RPS6KB1: variants seen among roughly 807,000 people sequenced by gnomAD.
The protein encoded by RPS6KB1 is ribosomal protein S6 kinase beta-1.
A neutral mutation model predicts 70.2 loss-of-function variants in RPS6KB1; 12 were observed. That is an observed-to-expected ratio of 0.17 (90% CI 0.11 to 0.28). The LOEUF (loss-of-function observed/expected upper bound fraction) is 0.28. RPS6KB1 is among the 10% of genes least tolerant of loss of function. The pLI is 1.00. For missense variants in RPS6KB1, 270 were observed against 646.6 expected, an observed-to-expected ratio of 0.42 and a Z score of 6.32; for synonymous variants, 175 against 211.2, an observed-to-expected ratio of 0.83 and a Z score of 1.49.
intron 2 of RPS6KB1, 38 bp from the exon 3 acceptor site, chr17:59,912,646 T>G: frequency 6.2e-7 from 1 of 1,601,660 alleles, no homozygotes; most frequent in Non-Finnish European, 8.5e-7. Context: ...TAATTTAACT[T>G]TTTGCAAATT....
chr17:59,927,358 A>G (rs1159664280), intron 5 of RPS6KB1, among the ~76,000 whole-genome samples: 1 of 152,042 alleles, frequency 6.6e-6, no homozygotes, highest in Non-Finnish European at 1.5e-5. Flanking sequence ...TGCTGGGATT[A>G]CAGGTGTCAG....
chr17:59,908,895 A>G (rs8072413), intron 1 of RPS6KB1, among the ~76,000 whole-genome samples: 67,062 of 124,138 alleles, frequency 0.54, 20,347 homozygotes, highest in African/African-American at 0.86. Flanking sequence ...TGGGATTACA[A>G]GCGTGAGCCA....
At chr17:59,924,320 C>T (rs955181331) in intron 4 of RPS6KB1, among the ~76,000 whole-genome samples, 1 of 124,890 alleles carries the variant, frequency 8.0e-6, no homozygotes, top group African/African-American at 3.8e-5. Flanking sequence ...CAGAGTGAGA[C>T]TCTGTCTAGA....
At chr17:59,936,397 G>A in intron 11 of RPS6KB1, 67 bp from the exon 12 acceptor site, 1 of 1,539,620 alleles carries the variant, frequency 6.5e-7, no homozygotes, top group East Asian at 2.2e-5. Flanking sequence ...CTTCAAAAAG[G>A]TGATTAATTT....
At chr17:59,895,987 C>T (rs1242130154) in intron 1 of RPS6KB1, among the ~76,000 whole-genome samples, 1 of 152,082 alleles carries the variant, frequency 6.6e-6, no homozygotes, top group Admixed American at 6.6e-5. Context: ...GCCTCTTAAT[C>T]GAACATAATG....
At chr17:59,921,089 G>C (rs2043240347) in intron 4 of RPS6KB1, among the ~76,000 whole-genome samples, 1 of 152,156 alleles carries the variant, frequency 6.6e-6, no homozygotes, top group South Asian at 2.1e-4. Context: ...ATTAGATCTT[G>C]GGTGAAGTAT....
In RPS6KB1 at chr17:59,905,071, G is replaced by C. The variant is rs147662231; in HGVS notation, c.142-5491G>C. Among the ~76,000 whole-genome samples the C allele has an allele frequency of 4.4e-3, 674 of 152,150 alleles. 4 individuals carry two copies. The highest frequency in any genetic ancestry group is 8.0e-3 in the African/African-American group (333 of 41,516). On this transcript the variant is annotated intron_variant, in intron 1 of 14. Coordinates refer to ENST00000225577, the MANE Select transcript of RPS6KB1 (RefSeq NM_003161.4). ...GGGTCTCAGTCTGTCACCCAGGCAGGAGTAGCGCAATTTTGGCTCACTGCA... is the reference window on the plus strand; with the variant it reads ...GGGTCTCAGTCTGTCACCCAGGCAGCAGTAGCGCAATTTTGGCTCACTGCA...
Position 59,948,635 on chromosome 17 carries a change from A to G in RPS6KB1, c.*1847A>G, listed in dbSNP as rs969163283. On this transcript the variant is annotated 3_prime_UTR_variant, in exon 15 of 15. Coordinates refer to ENST00000225577, the MANE Select transcript of RPS6KB1 (RefSeq NM_003161.4). The stretch of plus-strand genomic sequence containing the variant: ...GGCAATAATTGAAAGAATCGATAAA[A>G]GTTCATCTTTGGACAGAAAGCCTTT... 76 of 152,062 alleles carry G rather than the reference A, an allele frequency of 5.0e-4. No individual in the cohort carries two copies. Among genetic ancestry groups the G allele is most frequent in the African/African-American group, 1.6e-3 (68 of 41,434 alleles). The allele number at this position is 152,062 out of a possible 1,614,324, so 9.4% of individuals were successfully genotyped here.
chr17:59,903,862 A>G (rs551834927), intron 1 of RPS6KB1, among the ~76,000 whole-genome samples: 6 of 152,086 alleles, frequency 3.9e-5, no homozygotes, highest in African/African-American at 1.4e-4. Context: ...ACCTATTCAG[A>G]TCCTAGCTCA....
intron 1 of RPS6KB1, among the ~76,000 whole-genome samples, chr17:59,894,457 A>G (rs923608710): frequency 2.6e-5 from 4 of 152,160 alleles, no homozygotes; most frequent in Non-Finnish European, 4.4e-5. Context: ...CTCTAATTAC[A>G]CAGGGGCTTC....
chr17:59,900,785 TG>T (rs1160858532), intron 1 of RPS6KB1, among the ~76,000 whole-genome samples: 1 of 152,168 alleles, frequency 6.6e-6, no homozygotes, highest in African/African-American at 2.4e-5. Context: ...CCAAGTTTTT[TG>T]TTGTTTTTTG....
At chr17:59,902,774 C>T (rs781770400) in intron 1 of RPS6KB1, among the ~76,000 whole-genome samples, 5 of 151,864 alleles carry the variant, frequency 3.3e-5, no homozygotes, top group Admixed American at 6.6e-5. Flanking sequence ...ATGGGGGTCT[C>T]GTGATTTTGT....
rs1226540966 is a variant in RPS6KB1, at chr17:59,912,865, C to G, written c.312+61C>G. 1.2e-5 allele frequency: 18 copies of G among 1,551,742 alleles called. No individual in the cohort carries two copies. The East Asian group carries it at 2.5e-4, about 21-fold the overall frequency. On this transcript the variant is annotated intron_variant, in intron 3 of 14. Transcript: ENST00000225577. ...TCTTGAATAGATTGATTTTTATGCC[C>G]TGGTTCCAGCAGTCATCTTCAGTCT...
At chr17:59,924,946 A>G (rs2043514900) in intron 4 of RPS6KB1, among the ~76,000 whole-genome samples, 1 of 151,878 alleles carries the variant, frequency 6.6e-6, no homozygotes, top group Non-Finnish European at 1.5e-5. Context: ...CTCCCGCCTC[A>G]GCCTCCCAAG....
intron 5 of RPS6KB1, among the ~76,000 whole-genome samples, chr17:59,927,294 G>A (rs1242196042): frequency 6.6e-6 from 1 of 151,888 alleles, no homozygotes; most frequent in East Asian, 1.9e-4. Flanking sequence ...ATGTTGGTCA[G>A]GCTGGTCTCG....
intron 1 of RPS6KB1, 67 bp from the exon 2 acceptor site, chr17:59,910,495 C>T: frequency 1.0e-6 from 1 of 986,472 alleles, no homozygotes. Context: ...AGTTATGAGA[C>T]AAAGAATTAA....
chr17:59,931,235 A>G (rs1194635996), intron 6 of RPS6KB1: 1 of 202,416 alleles, frequency 4.9e-6, no homozygotes, highest in Non-Finnish European at 9.9e-6. Flanking sequence ...GAGAATAACA[A>G]AGTTCCTATT....
At chr17:59,915,965 A>G (rs2042939009) in intron 4 of RPS6KB1, among the ~76,000 whole-genome samples, 1 of 149,202 alleles carries the variant, frequency 6.7e-6, no homozygotes, top group Admixed American at 6.7e-5. Context: ...TTGTATTTTT[A>G]GTAGAGATGG....
Position 59,929,264 on chromosome 17 carries a change from G to A in RPS6KB1, c.530-853G>A, listed in dbSNP as rs534707867. 2.0e-4 allele frequency among the ~76,000 whole-genome samples: 30 copies of A among 152,026 alleles called. No homozygotes were observed. In the South Asian group the frequency reaches 6.0e-3, roughly 31 times the overall value. On this transcript the variant is annotated intron_variant, in intron 5 of 14. Coordinates refer to ENST00000225577, the MANE Select transcript of RPS6KB1 (RefSeq NM_003161.4). Reference sequence around the variant, plus strand: ...TCCTGCCTCAGCCTCCCAGGTAGCTGGGATTACAGGCATGCACCACCACAC... The same window carrying A: ...TCCTGCCTCAGCCTCCCAGGTAGCTAGGATTACAGGCATGCACCACCACAC...
Sources: gnomAD v4.1 joint callset for allele counts (sites outside exome capture counted in the v4.1 genomes callset) on GRCh38, gnomAD v4.1.1 for gene constraint, MANE v1.5 for transcripts, NCBI Gene and HGNC (gene_info 2026-07-23, HGNC 2026-07-21) for gene names.